TNNI3K: variants seen among roughly 807,000 people sequenced by gnomAD.
The protein encoded by TNNI3K is serine/threonine-protein kinase TNNI3K.
TNNI3K carries 140 observed loss-of-function variants against 114.5 expected under a neutral mutation model. The observed-to-expected ratio is 1.22, with a 90% CI of 1.07 to 1.41. The LOEUF (loss-of-function observed/expected upper bound fraction) is 1.41. Ranked by LOEUF, TNNI3K falls within the 40% of genes most tolerant of loss-of-function variation. The pLI, the probability that TNNI3K is intolerant of heterozygous loss-of-function variation, is 0.00. For synonymous variants in TNNI3K, 347 were observed against 347.5 expected, an observed-to-expected ratio of 1.00 and a Z score of 0.02; for missense variants, 1,125 against 1,007.6, an observed-to-expected ratio of 1.12 and a Z score of -1.58.
chr1:74,394,937 G>A (rs1349115815), intron 17 of TNNI3K, among the ~76,000 whole-genome samples: 2 of 151,894 alleles, frequency 1.3e-5, no homozygotes, highest in African/African-American at 2.4e-5. Context: ...CCAGCTACTC[G>A]GGAGGCTGAG....
intron 20 of TNNI3K, among the ~76,000 whole-genome samples, chr1:74,461,094 C>T (rs1667435041): frequency 6.6e-6 from 1 of 152,282 alleles, no homozygotes; most frequent in Admixed American, 6.5e-5. Context: ...TCCAAATGAT[C>T]ATAAGGTAAC....
chr1:74,275,638 A>G (rs1656637962), intron 5 of TNNI3K, among the ~76,000 whole-genome samples: 1 of 152,122 alleles, frequency 6.6e-6, no homozygotes, highest in African/African-American at 2.4e-5. Flanking sequence ...GGAAGGAAAG[A>G]ATGAGATAAG....
intron 23 of TNNI3K, among the ~76,000 whole-genome samples, chr1:74,502,858 C>T (rs1460075947): frequency 1.3e-5 from 2 of 152,034 alleles, no homozygotes; most frequent in Non-Finnish European, 2.9e-5. Context: ...CCCTCTGTAT[C>T]TTCTTCAAAA....
chr1:74,408,008 C>CT (rs2100605218), intron 17 of TNNI3K, among the ~76,000 whole-genome samples: 1 of 152,220 alleles, frequency 6.6e-6, no homozygotes, highest in East Asian at 1.9e-4. Flanking sequence ...GTGGTCACTG[C>CT]TTATAACACC....
chr1:74,426,987 A>G (rs1462489696), intron 17 of TNNI3K, among the ~76,000 whole-genome samples: 2 of 152,250 alleles, frequency 1.3e-5, no homozygotes, highest in South Asian at 4.1e-4. Flanking sequence ...GAGGAAAAAC[A>G]GCTCTTCCTT....
chr1:74,365,375 T>C (rs1406262272), intron 11 of TNNI3K, among the ~76,000 whole-genome samples: 1 of 152,224 alleles, frequency 6.6e-6, no homozygotes, highest in East Asian at 1.9e-4. Context: ...AGATTGCTGA[T>C]GAGCATCACC....
At chr1:74,443,374 TA>T (rs778666784) in intron 20 of TNNI3K, among the ~76,000 whole-genome samples, 2 of 152,046 alleles carry the variant, frequency 1.3e-5, no homozygotes, top group Non-Finnish European at 2.9e-5. Flanking sequence ...GAGAATACTA[TA>T]AACACCTCTA....
At chr1:74,481,338 C>A (rs1668490549) in intron 21 of TNNI3K, among the ~76,000 whole-genome samples, 1 of 152,152 alleles carries the variant, frequency 6.6e-6, no homozygotes, top group African/African-American at 2.4e-5. Flanking sequence ...CCCTGCAGAT[C>A]CAGGACAGAA....
chr1:74,481,444 G>C lies in TNNI3K; in HGVS notation c.2122-7745G>C, dbSNP rs1668497164. On this transcript the variant is annotated intron_variant, in intron 21 of 24. Coordinates refer to ENST00000326637, the MANE Select transcript of TNNI3K (RefSeq NM_015978.3). ...AAGTCAATCATCTTTTCTCCCAAAA[G>C]TAAAGGTGCGAGTTGGGATGGGGAG... is the stretch of plus-strand genomic sequence containing the variant. Among the ~76,000 whole-genome samples the C allele has an allele frequency of 2.6e-5, 4 of 152,210 alleles. No homozygotes were observed. In the South Asian group the frequency reaches 8.3e-4, roughly 32 times the overall value.
chr1:74,535,790 A>T (rs7525548), intron 23 of TNNI3K, among the ~76,000 whole-genome samples: 63,959 of 152,052 alleles, frequency 0.42, 15,393 homozygotes, highest in Non-Finnish European at 0.56. Context: ...AGACTGTGTC[A>T]GTTGTCGATA....
chr1:74,311,499 T>C (rs1051553073), intron 5 of TNNI3K, among the ~76,000 whole-genome samples: 11 of 152,158 alleles, frequency 7.2e-5, no homozygotes, highest in Non-Finnish European at 1.5e-4. Flanking sequence ...TCTATGAAAA[T>C]AGCTTAAAAT....
At chr1:74,414,501 C>T (rs1665028643) in intron 17 of TNNI3K, among the ~76,000 whole-genome samples, 1 of 152,142 alleles carries the variant, frequency 6.6e-6, no homozygotes, top group Non-Finnish European at 1.5e-5. Flanking sequence ...AATTGTTGTG[C>T]TTCTCTTGCT....
intron 4 of TNNI3K, among the ~76,000 whole-genome samples, chr1:74,265,552 A>G (rs75172372): frequency 0.012 from 1,826 of 152,152 alleles, 40 homozygotes; most frequent in African/African-American, 0.042. Context: ...TCTCAGTGGC[A>G]TATCTATTTC....
At chr1:74,423,256 AATC>A (rs967865958) in intron 17 of TNNI3K, among the ~76,000 whole-genome samples, 9 of 151,292 alleles carry the variant, frequency 5.9e-5, no homozygotes, top group African/African-American at 1.9e-4. Context: ...ACTTTTCCTT[AATC>A]ATCATTTTTT....
chr1:74,311,088 C>G (rs1199361832), intron 5 of TNNI3K, among the ~76,000 whole-genome samples: 1 of 152,104 alleles, frequency 6.6e-6, no homozygotes, highest in African/African-American at 2.4e-5. Flanking sequence ...TGAATAGATT[C>G]ATTTTTTGTT....
intron 17 of TNNI3K, among the ~76,000 whole-genome samples, chr1:74,377,682 A>G (rs1226506737): frequency 1.3e-5 from 2 of 152,042 alleles, no homozygotes; most frequent in African/African-American, 4.8e-5. Flanking sequence ...TGTGCACTGC[A>G]GTTGTCTGAT....
Position 74,432,085 on chromosome 1 carries a change from C to T in TNNI3K, c.1773-3995C>T, listed in dbSNP as rs535742052. On this transcript the variant is annotated intron_variant, in intron 17 of 24. Coordinates refer to ENST00000326637, the MANE Select transcript of TNNI3K (RefSeq NM_015978.3). ...CTGTGTATGTGTGTGTGTGTGTGTG[C>T]ACACATGCATATGCACAGCTTATGT... Among the ~76,000 whole-genome samples the T allele has an allele frequency of 7.2e-3, 1,084 of 151,098 alleles. 12 individuals are homozygous for T. Among genetic ancestry groups the T allele is most frequent in the African/African-American group, 0.025 (1,004 of 40,612 alleles).
At chr1:74,527,078 C>A (rs191152512) in intron 23 of TNNI3K, among the ~76,000 whole-genome samples, 1 of 152,286 alleles carries the variant, frequency 6.6e-6, no homozygotes, top group East Asian at 1.9e-4. Flanking sequence ...TTGTTCAAGT[C>A]ACGTAGCCCC....
intron 20 of TNNI3K, among the ~76,000 whole-genome samples, chr1:74,456,599 C>A (rs1313699091): frequency 6.6e-6 from 1 of 152,108 alleles, no homozygotes; most frequent in Non-Finnish European, 1.5e-5. Context: ...AACCAGGTAC[C>A]CAGATTTGTG....
Sources: gnomAD v4.1 joint callset for allele counts (sites outside exome capture counted in the v4.1 genomes callset) on GRCh38, gnomAD v4.1.1 for gene constraint, MANE v1.5 for transcripts, NCBI Gene and HGNC (gene_info 2026-07-23, HGNC 2026-07-21) for gene names.